The following LIN28A variants were observed in gnomAD, a reference collection of about 807,000 sequenced individuals.
LIN28A encodes the protein lin-28 RNA binding posttranscriptional regulator A, also known as protein lin-28 homolog A.
LIN28A carries 11 observed loss-of-function variants against 21.1 expected under a neutral mutation model. The ratio of observed to expected loss-of-function variants is 0.52; its 90% confidence interval spans 0.33 to 0.86. LIN28A has a LOEUF of 0.86. Ranked by LOEUF, LIN28A falls within the 40% of genes least tolerant of loss-of-function variation. The pLI, the probability that LIN28A is intolerant of heterozygous loss-of-function variation, is 0.03. For synonymous variants in LIN28A, 111 were observed against 108.7 expected, an observed-to-expected ratio of 1.02 and a Z score of -0.13; for missense variants, 219 against 279.8, an observed-to-expected ratio of 0.78 and a Z score of 1.55.
At position 26,428,512 on chromosome 1, in the gene LIN28A, C is replaced by T. The variant is rs1345368612; in HGVS notation, c.*2054C>T. On this transcript the variant is annotated 3_prime_UTR_variant, in exon 4 of 4. Transcript: ENST00000326279. ...ACCCTCCATCCCTTGTTCCCAACCT[C>T]CTAAGTCAAGACCATTACCATTTCT... is the stretch of plus-strand genomic sequence containing the variant. 1 of 151,586 alleles carries T rather than the reference C, an allele frequency of 6.6e-6. No individual in the cohort carries two copies. The highest frequency in any genetic ancestry group is 1.5e-5 in the Non-Finnish European group (1 of 68,010). 9.4% of individuals were successfully genotyped at this position (151,586 alleles called of 1,614,324 possible). A position where few individuals can be genotyped will look rare whatever the true frequency, so the allele number is the denominator to read the frequency against.
chr1:26,413,604 A>G (rs1294437219), intron 2 of LIN28A, among the ~76,000 whole-genome samples: 1 of 151,962 alleles, frequency 6.6e-6, no homozygotes, highest in South Asian at 2.1e-4. Flanking sequence ...GCTGGAAGAG[A>G]ATTAAGAATT....
intron 2 of LIN28A, among the ~76,000 whole-genome samples, chr1:26,419,293 G>A (rs902661285): frequency 6.6e-6 from 1 of 152,150 alleles, no homozygotes; most frequent in Non-Finnish European, 1.5e-5. Context: ...GAGACCACCA[G>A]TTTAAATCTC....
At chr1:26,418,241 CA>C (rs1402120755) in intron 2 of LIN28A, among the ~76,000 whole-genome samples, 1 of 151,456 alleles carries the variant, frequency 6.6e-6, no homozygotes, top group Admixed American at 6.6e-5. Context: ...TCCCTGTTAT[CA>C]AAAAAAGAAA....
At chr1:26,420,601 CAA>C (rs10643062) in intron 2 of LIN28A, among the ~76,000 whole-genome samples, 7 of 129,206 alleles carry the variant, frequency 5.4e-5, no homozygotes, top group South Asian at 2.5e-4. Context: ...AAGACTTTCT[CAA>C]AAAAAAAAAA....
chr1:26,426,105 T>C (rs1163736146), intron 3 of LIN28A, 137 bp from the exon 4 acceptor site: 4 of 645,110 alleles, frequency 6.2e-6, no homozygotes, highest in African/African-American at 1.8e-5. Flanking sequence ...GTCCTCCTTT[T>C]GCAAGTGGGA....
intron 2 of LIN28A, among the ~76,000 whole-genome samples, chr1:26,424,422 A>T (rs908826647): frequency 2.0e-5 from 3 of 151,634 alleles, no homozygotes; most frequent in African/African-American, 7.3e-5. Flanking sequence ...TTGTATTTTT[A>T]GTAGAGACAG....
At chr1:26,421,865 T>C (rs1224942009) in intron 2 of LIN28A, among the ~76,000 whole-genome samples, 4 of 152,160 alleles carry the variant, frequency 2.6e-5, no homozygotes, top group Non-Finnish European at 5.9e-5. Context: ...CCAGATTCAT[T>C]GACTCTTAAC....
chr1:26,411,450 G>A lies in LIN28A; in HGVS notation c.96G>A (p.Ala32=), dbSNP rs766264498. The A allele has an allele frequency of 1.2e-6, 2 of 1,611,076 alleles. No homozygotes were observed. The highest frequency in any genetic ancestry group is 1.7e-6 in the Non-Finnish European group (2 of 1,178,724). ...EEAPEDAARA[A]DEPQLLHGAG... ...CGCCGGAGGACGCGGCCCGGGCGGC[G>A]GACGAGCCTCAGCTGCTGCACGGTG... is the stretch of plus-strand genomic sequence containing the variant. Residue 32 remains alanine, a synonymous_variant, in exon 2 of 4, where the codon GCG becomes GCA. Transcript: ENST00000326279. The surrounding 1 kb of genome is among the most constrained non-coding windows in gnomAD (Gnocchi z 5.4).
intron 2 of LIN28A, among the ~76,000 whole-genome samples, chr1:26,418,863 T>G (rs1322857183): frequency 1.1e-5 from 1 of 92,324 alleles, no homozygotes; most frequent in African/African-American, 3.9e-5. Flanking sequence ...CTATATCTAG[T>G]TCTCTCCCGT....
At chr1:26,420,157 G>A (rs564202517) in intron 2 of LIN28A, among the ~76,000 whole-genome samples, 2 of 151,966 alleles carry the variant, frequency 1.3e-5, no homozygotes, top group Admixed American at 6.6e-5. Context: ...ACAGGGTTTC[G>A]CCCTGTTGCC....
In LIN28A at chr1:26,413,818, T is replaced by TTGC. The variant is rs1404477571; in HGVS notation, c.228+2237_228+2238insGCT. 1.3e-3 allele frequency among the ~76,000 whole-genome samples: 156 copies of TTGC among 117,590 alleles called. 1 individual carries two copies. Among genetic ancestry groups the TTGC allele is most frequent in the Non-Finnish European group, 1.8e-3 (92 of 50,046 alleles). 77.1% of individuals were successfully genotyped at this position (117,590 alleles called of 152,430 possible). A position where few individuals can be genotyped will look rare whatever the true frequency, so the allele number is the denominator to read the frequency against. ...GTTTTTTTGTTTGTTTGTTTGTTTG[T>TTGC]TTGTTGCTTTTTTTTTTTTTTTTTT... On this transcript the variant is annotated intron_variant, in intron 2 of 3. Transcript: ENST00000326279.
chr1:26,425,205 A>G, intron 2 of LIN28A, 98 bp from the exon 3 acceptor site: 1 of 1,191,514 alleles, frequency 8.4e-7, no homozygotes, highest in South Asian at 1.5e-5. Flanking sequence ...TAGGAGTACC[A>G]TCACATTTGA....
intron 2 of LIN28A, among the ~76,000 whole-genome samples, chr1:26,419,263 A>C (rs765454719): frequency 1.3e-5 from 2 of 151,524 alleles, no homozygotes; most frequent in Non-Finnish European, 2.9e-5. Flanking sequence ...GCGGGGGAGG[A>C]GGGCAGGGAG....
intron 2 of LIN28A, among the ~76,000 whole-genome samples, chr1:26,418,542 TAAAAAA>T (rs10680192): frequency 6.9e-6 from 1 of 144,436 alleles, no homozygotes; most frequent in African/African-American, 2.6e-5. Context: ...CCAGACTTTT[TAAAAAA>T]AAAAAAAAGA....
chr1:26,419,102 C>T (rs2075014269), intron 2 of LIN28A, among the ~76,000 whole-genome samples: 1 of 150,846 alleles, frequency 6.6e-6, no homozygotes. Context: ...GGGCGGGGCC[C>T]TGCTTTGTGT....
At chr1:26,418,159 G>C (rs534116759) in intron 2 of LIN28A, among the ~76,000 whole-genome samples, 1 of 152,176 alleles carries the variant, frequency 6.6e-6, no homozygotes, top group African/African-American at 2.4e-5. Context: ...GGTTGGATAG[G>C]GTAAGGCAGG....
chr1:26,429,091 G>A lies in LIN28A; in HGVS notation c.*2633G>A, dbSNP rs780876464. The A allele has an allele frequency of 6.5e-6, 1 of 153,866 alleles. No homozygotes were observed. Among genetic ancestry groups the A allele is most frequent in the Non-Finnish European group, 1.4e-5 (1 of 69,262 alleles). 9.5% of individuals were successfully genotyped at this position (153,866 alleles called of 1,614,324 possible). A position where few individuals can be genotyped will look rare whatever the true frequency, so the allele number is the denominator to read the frequency against. ...TGAGGCAGGGGAATCGCTTGAACCC[G>A]AGAGGCAGAGGTTGCAGTGAGCTGA... On this transcript the variant is annotated 3_prime_UTR_variant, in exon 4 of 4. Coordinates refer to ENST00000326279, the MANE Select transcript of LIN28A (RefSeq NM_024674.6).
intron 2 of LIN28A, among the ~76,000 whole-genome samples, chr1:26,422,848 T>A (rs913378993): frequency 6.6e-6 from 1 of 152,204 alleles, no homozygotes; most frequent in Admixed American, 6.5e-5. Context: ...GATCGTGGTA[T>A]GTTTTTGCAT....
At chr1:26,410,976 C>T in intron 1 of LIN28A, 54 bp downstream of exon 1, 1 of 1,583,436 alleles carries the variant, frequency 6.3e-7, no homozygotes, top group Admixed American at 1.9e-5. Context: ...CGGCCAGGAG[C>T]CACGTAGAAG....
Sources: gnomAD v4.1 joint callset for allele counts (sites outside exome capture counted in the v4.1 genomes callset) on GRCh38, gnomAD v4.1.1 for gene constraint, Gnocchi (gnomAD v3.1) non-coding constraint, MANE v1.5 for transcripts, NCBI Gene and HGNC (gene_info 2026-07-23, HGNC 2026-07-21) for gene names.